Variants in PTPRM observed in about 807,000 individuals in gnomAD.
The protein encoded by PTPRM is protein tyrosine phosphatase receptor type M.
A neutral mutation model predicts 186.7 loss-of-function variants in PTPRM; 47 were observed. The observed-to-expected ratio is 0.25, with a 90% confidence interval of 0.20 to 0.32. The LOEUF is 0.32. Ranked by LOEUF, PTPRM falls within the 10% of genes least tolerant of loss-of-function variation. The pLI, the probability that PTPRM is intolerant of heterozygous loss-of-function variation, is 1.00. For missense variants in PTPRM, 1,494 were observed against 1,865.0 expected (o/e 0.80, Z 3.66); for synonymous variants, 668 against 674.9 (o/e 0.99, Z 0.16).
At chr18:8,361,306 T>C (rs540834245) in intron 23 of PTPRM, among the ~76,000 whole-genome samples, 2 of 152,276 alleles carry the variant, frequency 1.3e-5, no homozygotes, top group African/African-American at 4.8e-5. Flanking sequence ...ATACAGACCA[T>C]AAAGCATTGT....
intron 1 of PTPRM, among the ~76,000 whole-genome samples, chr18:7,697,573 C>T (rs1248751769): frequency 6.6e-6 from 1 of 152,188 alleles, no homozygotes; most frequent in African/African-American, 2.4e-5. Context: ...TACTACTGTT[C>T]ACTCTTTTCC....
chr18:8,406,206 C>T lies in PTPRM; in HGVS notation c.*44C>T, dbSNP rs1251243871. On this transcript the variant is annotated 3_prime_UTR_variant, in exon 33 of 33. Transcript: ENST00000580170. ...AAACAATCCCTTTCATACCACAAAG[C>T]CAAGACGTTCCATGGTATTTGTGCA... is the stretch of plus-strand genomic sequence containing the variant. The T allele has an allele frequency of 6.5e-7, 1 of 1,548,190 alleles. No homozygotes were observed. The highest frequency in any genetic ancestry group is 8.9e-7 in the Non-Finnish European group (1 of 1,124,482).
chr18:7,836,922 A>G (rs1033242936), intron 2 of PTPRM, among the ~76,000 whole-genome samples: 2 of 152,000 alleles, frequency 1.3e-5, no homozygotes, highest in Non-Finnish European at 1.5e-5. Context: ...AGGATCCTTT[A>G]TCCTCGACCT....
intron 1 of PTPRM, among the ~76,000 whole-genome samples, chr18:7,759,846 G>T (rs945286690): frequency 6.6e-6 from 1 of 152,192 alleles, no homozygotes; most frequent in South Asian, 2.1e-4. Flanking sequence ...GTAGACGTTA[G>T]TAAGCAGAGG....
intron 14 of PTPRM, among the ~76,000 whole-genome samples, chr18:8,168,013 G>A (rs1167239656): frequency 2.0e-5 from 3 of 152,146 alleles, no homozygotes; most frequent in Admixed American, 2.0e-4. Context: ...ATTCCCAGTG[G>A]TATTTCTCAT....
At chr18:7,977,290 T>C (rs2055018144) in intron 7 of PTPRM, among the ~76,000 whole-genome samples, 1 of 152,128 alleles carries the variant, frequency 6.6e-6, no homozygotes, top group Non-Finnish European at 1.5e-5. Context: ...AGTTTTGCCA[T>C]GTTGGCCAGG....
At chr18:7,599,449 T>A (rs958773693) in intron 1 of PTPRM, among the ~76,000 whole-genome samples, 3 of 152,196 alleles carry the variant, frequency 2.0e-5, no homozygotes, top group Non-Finnish European at 2.9e-5. Flanking sequence ...TTACTAAAAG[T>A]ACTATATGGA....
Position 7,625,814 on chromosome 18 carries a change from C to T in PTPRM, c.73+57923C>T, listed in dbSNP as rs565597522. The stretch of plus-strand genomic sequence containing the variant: ...CCTCCCACAGTGCTGGGATTACAGG[C>T]GTGAGCAACAGCGCCTGGCCAAGGG... On this transcript the variant is annotated intron_variant, in intron 1 of 32. Coordinates refer to ENST00000580170, the MANE Select transcript of PTPRM (RefSeq NM_001105244.2). Among the ~76,000 whole-genome samples, 148 of 152,334 alleles carry T rather than the reference C, an allele frequency of 9.7e-4. No individual in the cohort carries two copies. In the South Asian group the frequency reaches 0.013, roughly 13 times the overall value.
At chr18:7,626,755 C>T (rs2038072094) in intron 1 of PTPRM, among the ~76,000 whole-genome samples, 2 of 152,156 alleles carry the variant, frequency 1.3e-5, no homozygotes, top group Non-Finnish European at 2.9e-5. Flanking sequence ...TGCAGTGGTG[C>T]AATAGCTCAC....
chr18:8,284,870 CAT>C (rs1163753011), intron 19 of PTPRM, among the ~76,000 whole-genome samples: 1 of 152,136 alleles, frequency 6.6e-6, no homozygotes, highest in African/African-American at 2.4e-5. Context: ...TTTTAAAAAA[CAT>C]ATTCAAGAAC....
Position 7,918,102 on chromosome 18 carries a change from GTGTA to G in PTPRM, c.548-8462_548-8459del, listed in dbSNP as rs1257728099. ...TTTGTGTGTGTGTGTGTGTGTGTGT[GTGTA>G]TGTGTATTACATTTTCTTTATTTAC... On this transcript the variant is annotated intron_variant, in intron 4 of 32. Coordinates refer to ENST00000580170, the MANE Select transcript of PTPRM (RefSeq NM_001105244.2). Among the ~76,000 whole-genome samples the G allele has an allele frequency of 2.0e-5, 3 of 147,190 alleles. 1 individual carries two copies. Among genetic ancestry groups the G allele is most frequent in the Non-Finnish European group, 1.5e-5 (1 of 66,332 alleles).
chr18:7,978,820 CAG>C (rs1377403522), intron 7 of PTPRM, among the ~76,000 whole-genome samples: 2 of 152,080 alleles, frequency 1.3e-5, no homozygotes, highest in African/African-American at 2.4e-5. Context: ...GAGCACGTGA[CAG>C]AGTATTCTTT....
At chr18:7,709,427 A>G (rs2040165613) in intron 1 of PTPRM, among the ~76,000 whole-genome samples, 1 of 152,188 alleles carries the variant, frequency 6.6e-6, no homozygotes. Context: ...AGGAAAGTTC[A>G]TAGCATTAAA....
chr18:8,394,701 T>C, intron 32 of PTPRM, 90 bp downstream of exon 32: 1 of 1,329,278 alleles, frequency 7.5e-7, no homozygotes, highest in Non-Finnish European at 1.0e-6. Context: ...AACTGATGCG[T>C]AGAGGAAGAG....
At chr18:8,334,661 C>T (rs2095429007) in intron 22 of PTPRM, among the ~76,000 whole-genome samples, 1 of 152,234 alleles carries the variant, frequency 6.6e-6, no homozygotes, top group African/African-American at 2.4e-5. Context: ...CTTTGCCTCT[C>T]ATTAATCAAT....
At chr18:7,588,069 T>A (rs2037025453) in intron 1 of PTPRM, among the ~76,000 whole-genome samples, 1 of 152,190 alleles carries the variant, frequency 6.6e-6, no homozygotes, top group East Asian at 1.9e-4. Flanking sequence ...GAATCTACTT[T>A]GTTTCTTATT....
intron 2 of PTPRM, among the ~76,000 whole-genome samples, chr18:7,852,018 G>A (rs939432745): frequency 5.9e-5 from 9 of 151,872 alleles, no homozygotes; most frequent in African/African-American, 2.2e-4. Context: ...ATCACAAAAA[G>A]AATAGAGAAG....
chr18:7,901,333 T>G (rs2049668757), intron 3 of PTPRM, among the ~76,000 whole-genome samples: 1 of 152,176 alleles, frequency 6.6e-6, no homozygotes, highest in African/African-American at 2.4e-5. Flanking sequence ...TATAAGAAAC[T>G]TGTTTAAGAT....
chr18:8,258,293 G>A (rs36029498), intron 19 of PTPRM, among the ~76,000 whole-genome samples: 221 of 152,266 alleles, frequency 1.5e-3, no homozygotes, highest in Middle Eastern at 3.4e-3. Flanking sequence ...AGAAGAGAGA[G>A]CGCTTCACTC....
Sources: gnomAD v4.1 joint callset for allele counts (sites outside exome capture counted in the v4.1 genomes callset) on GRCh38, gnomAD v4.1.1 for gene constraint, MANE v1.5 for transcripts, NCBI Gene and HGNC (gene_info 2026-07-23, HGNC 2026-07-21) for gene names.